ASAP1: variants seen among roughly 807,000 people sequenced by gnomAD.
ASAP1 encodes ArfGAP with SH3 domain, ankyrin repeat and PH domain 1, also known as arf-GAP with SH3 domain, ANK repeat and PH domain-containing protein 1.
Under a neutral mutation model 145.2 loss-of-function variants are expected in ASAP1, and 43 were observed. That is an observed-to-expected ratio of 0.30 (90% confidence interval 0.23 to 0.38). ASAP1 has a LOEUF of 0.38. ASAP1 is among the 10% of genes least tolerant of loss of function. The probability of loss-of-function intolerance (pLI) is 1.00; values close to 1 mark genes in which losing one functional copy is unlikely to be tolerated. For missense variants in ASAP1, 1,018 were observed against 1,355.3 expected, an observed-to-expected ratio of 0.75 and a Z score of 3.91; for synonymous variants, 546 against 515.5, an observed-to-expected ratio of 1.06 and a Z score of -0.80.
intron 13 of ASAP1, among the ~76,000 whole-genome samples, chr8:130,148,759 A>G (rs2097639038): frequency 6.6e-6 from 1 of 152,220 alleles, no homozygotes; most frequent in Non-Finnish European, 1.5e-5. Context: ...TTAGTTAGAA[A>G]AAACAAACAA....
At chr8:130,339,116 A>G (rs975627281) in intron 3 of ASAP1, among the ~76,000 whole-genome samples, 9 of 152,224 alleles carry the variant, frequency 5.9e-5, no homozygotes, top group African/African-American at 2.2e-4. Context: ...GCGACTCTTC[A>G]TTGGAGAGAC....
At chr8:130,072,845 T>G (rs2097452578) in intron 27 of ASAP1, among the ~76,000 whole-genome samples, 8 of 23,804 alleles carry the variant, frequency 3.4e-4, no homozygotes, top group Admixed American at 5.6e-4. Flanking sequence ...GGGGGCAGTT[T>G]TGGGGACTGA....
chr8:130,307,811 G>T (rs1296173684), intron 3 of ASAP1, among the ~76,000 whole-genome samples: 63 of 152,178 alleles, frequency 4.1e-4, no homozygotes, highest in Admixed American at 4.1e-3. Flanking sequence ...AACCGGTGAT[G>T]GCGGAGCTTG....
chr8:130,423,293 C>A (rs1284985130), intron 1 of ASAP1, among the ~76,000 whole-genome samples: 1 of 152,134 alleles, frequency 6.6e-6, no homozygotes, highest in Non-Finnish European at 1.5e-5. Flanking sequence ...GAACATTTAT[C>A]TTTAGTCCAT....
chr8:130,185,729 C>CAAAAAAAAAAAA (rs778486303), intron 7 of ASAP1, among the ~76,000 whole-genome samples: 22 of 56,496 alleles, frequency 3.9e-4, no homozygotes, highest in Non-Finnish European at 6.0e-4. Flanking sequence ...AACTCCGCCT[C>CAAAAAAAAAAAA]AAAAAAAAAA....
At chr8:130,257,688 T>C (rs1194827585) in intron 3 of ASAP1, among the ~76,000 whole-genome samples, 2 of 152,040 alleles carry the variant, frequency 1.3e-5, no homozygotes, top group African/African-American at 4.8e-5. Flanking sequence ...CTTTCGAAAA[T>C]TCAAAAAGCA....
chr8:130,392,785 T>C (rs34200957), intron 2 of ASAP1, among the ~76,000 whole-genome samples: 9,477 of 150,720 alleles, frequency 0.063, 291 homozygotes, highest in Middle Eastern at 0.12. Context: ...AGAGATCAGA[T>C]GGTGAGAGAA....
At chr8:130,208,171 T>C (rs1049020219) in intron 5 of ASAP1, among the ~76,000 whole-genome samples, 1 of 152,160 alleles carries the variant, frequency 6.6e-6, no homozygotes, top group Non-Finnish European at 1.5e-5. Flanking sequence ...CTTCCCCCAA[T>C]AGTAACATCT....
intron 2 of ASAP1, chr8:130,360,842 G>C (rs542569122): frequency 3.9e-5 from 6 of 152,356 alleles, no homozygotes; most frequent in African/African-American, 1.4e-4. Flanking sequence ...GTCTTTTGAA[G>C]TATGAGCTAC....
rs377255281 is a variant in ASAP1, at chr8:130,108,150, C to T, written c.2401+3944G>A. 2.3e-3 allele frequency among the ~76,000 whole-genome samples: 353 copies of T among 152,336 alleles called. 1 individual carries two copies. Among genetic ancestry groups the T allele is most frequent in the African/African-American group, 8.3e-3 (345 of 41,580 alleles). ...AGTATGCCACACAGCACGCTACTTT[C>T]GTGCAGGTTATCTGCTAGTTTATTA... On this transcript the variant is annotated intron_variant, in intron 24 of 29. Transcript: ENST00000518721.
At chr8:130,278,064 A>G (rs916214391) in intron 3 of ASAP1, among the ~76,000 whole-genome samples, 2 of 151,436 alleles carry the variant, frequency 1.3e-5, no homozygotes, top group African/African-American at 4.9e-5. Context: ...AAGTGTGTTG[A>G]AAACCAGAAA....
chr8:130,171,970 A>C (rs961812933), intron 9 of ASAP1, among the ~76,000 whole-genome samples: 4 of 152,216 alleles, frequency 2.6e-5, no homozygotes, highest in African/African-American at 9.6e-5. Context: ...AGAGCATTTA[A>C]ATTTAAGATG....
intron 3 of ASAP1, among the ~76,000 whole-genome samples, chr8:130,265,812 G>A (rs1480592844): frequency 2.0e-5 from 3 of 152,246 alleles, no homozygotes; most frequent in African/African-American, 7.2e-5. Context: ...GGGAGGTCGA[G>A]GCTGAAGAGC....
At chr8:130,211,931 C>T (rs186632297) in intron 5 of ASAP1, among the ~76,000 whole-genome samples, 11 of 152,260 alleles carry the variant, frequency 7.2e-5, no homozygotes, top group Admixed American at 5.2e-4. Context: ...TGGGTTCCCA[C>T]GGGGGTACTC....
At chr8:130,210,271 C>T (rs1284192754) in intron 5 of ASAP1, among the ~76,000 whole-genome samples, 1 of 150,594 alleles carries the variant, frequency 6.6e-6, no homozygotes, top group Non-Finnish European at 1.5e-5. Flanking sequence ...TTAAACAATG[C>T]CACCCTTCTA....
chr8:130,156,878 G>A (rs1374106170), intron 12 of ASAP1, among the ~76,000 whole-genome samples: 1 of 152,184 alleles, frequency 6.6e-6, no homozygotes, highest in Non-Finnish European at 1.5e-5. Flanking sequence ...AGAAAAGACT[G>A]TTGATCTTCC....
intron 16 of ASAP1, among the ~76,000 whole-genome samples, chr8:130,126,512 C>T (rs1161893008): frequency 6.6e-6 from 1 of 152,178 alleles, no homozygotes; most frequent in African/African-American, 2.4e-5. Flanking sequence ...ATGGCCTCCC[C>T]ATGAGCACTT....
intron 5 of ASAP1, among the ~76,000 whole-genome samples, chr8:130,205,162 A>G (rs1816123040): frequency 1.3e-5 from 2 of 151,526 alleles, no homozygotes; most frequent in African/African-American, 4.9e-5. Flanking sequence ...TCCCTTCTCC[A>G]CTCTCCCTTT....
chr8:130,261,460 A>G (rs1819891356), intron 3 of ASAP1, among the ~76,000 whole-genome samples: 1 of 152,166 alleles, frequency 6.6e-6, no homozygotes, highest in African/African-American at 2.4e-5. Flanking sequence ...AAGGACTAGA[A>G]GGGAGATGTA....
Sources: allele counts gnomAD v4.1 joint callset (sites outside exome capture counted in the v4.1 genomes callset), GRCh38; gene constraint gnomAD v4.1.1; transcripts MANE v1.5; gene names NCBI Gene and HGNC (gene_info 2026-07-23, HGNC 2026-07-21).